PCDH9: variants seen among roughly 807,000 people sequenced by gnomAD.
PCDH9 encodes the protein protocadherin 9, also known as protocadherin-9.
In PCDH9, 24 loss-of-function variants were observed where a neutral mutation model predicts 70.6. That is an observed-to-expected ratio of 0.34 (90% confidence interval 0.25 to 0.48). PCDH9 has a LOEUF of 0.48. Among genes scored for constraint, PCDH9 ranks in the 20% least tolerant of loss-of-function variants. The pLI, the probability that PCDH9 is intolerant of heterozygous loss-of-function variation, is 0.99. For synonymous variants in PCDH9, 562 were observed against 558.5 expected (o/e 1.01, Z -0.09); for missense variants, 1,281 against 1,503.6 (o/e 0.85, Z 2.45).
At chr13:67,156,275 G>A (rs1337099269) in intron 2 of PCDH9, among the ~76,000 whole-genome samples, 1 of 152,128 alleles carries the variant, frequency 6.6e-6, no homozygotes, top group African/African-American at 2.4e-5. Flanking sequence ...GACGTGTAGA[G>A]GAGCGGATCA....
At chr13:66,412,359 C>T (rs534815304) in intron 4 of PCDH9, among the ~76,000 whole-genome samples, 13 of 152,254 alleles carry the variant, frequency 8.5e-5, no homozygotes, top group African/African-American at 2.9e-4. Context: ...TATGGGGTCT[C>T]ACAATATTTC....
intron 2 of PCDH9, among the ~76,000 whole-genome samples, chr13:67,101,700 C>A (rs1302992654): frequency 6.6e-6 from 1 of 152,142 alleles, no homozygotes; most frequent in Non-Finnish European, 1.5e-5. Flanking sequence ...AGTATTTTAA[C>A]CTCAGAGTGA....
chr13:66,765,056 C>T (rs564749831), intron 3 of PCDH9, among the ~76,000 whole-genome samples: 1 of 138,652 alleles, frequency 7.2e-6, no homozygotes, highest in Non-Finnish European at 1.5e-5. Context: ...CTTTGTCTCT[C>T]TCTGTCTGTC....
In PCDH9 at chr13:66,616,620, T is replaced by A. The variant is rs139027319; in HGVS notation, c.3340+14590A>T. The stretch of plus-strand genomic sequence containing the variant: ...AATGTAAAAATCTGGATTAACATTC[T>A]ATTTCTGAGCAAATCCTGCCAAGTG... On this transcript the variant is annotated intron_variant, in intron 4 of 4. Coordinates refer to ENST00000377865, the MANE Select transcript of PCDH9 (RefSeq NM_203487.3). 3.0e-3 allele frequency among the ~76,000 whole-genome samples: 459 copies of A among 151,936 alleles called. 1 individual carries two copies. The highest frequency in any genetic ancestry group is 0.011 in the African/African-American group (436 of 41,454).
intron 4 of PCDH9, among the ~76,000 whole-genome samples, chr13:66,613,358 A>G (rs2077316810): frequency 6.6e-6 from 1 of 151,896 alleles, no homozygotes; most frequent in Admixed American, 6.6e-5. Flanking sequence ...GCATTTTTAA[A>G]CCTTTTGTCT....
At chr13:66,824,651 G>T (rs1594108120) in intron 3 of PCDH9, among the ~76,000 whole-genome samples, 2 of 99,074 alleles carry the variant, frequency 2.0e-5, no homozygotes, top group East Asian at 3.3e-4. Context: ...GCGAAACTCT[G>T]ATATATATAT....
chr13:66,337,433 G>T (rs913764893), intron 4 of PCDH9, among the ~76,000 whole-genome samples: 1 of 152,036 alleles, frequency 6.6e-6, no homozygotes, highest in African/African-American at 2.4e-5. Context: ...AAGGCCCTTG[G>T]TGATTGAGGT....
At chr13:66,340,431 C>A (rs1956106168) in intron 4 of PCDH9, among the ~76,000 whole-genome samples, 1 of 152,058 alleles carries the variant, frequency 6.6e-6, no homozygotes, top group African/African-American at 2.4e-5. Flanking sequence ...TGAATTTGGG[C>A]AATATGTAAT....
intron 3 of PCDH9, among the ~76,000 whole-genome samples, chr13:66,727,741 AATG>A (rs1262469008): frequency 1.3e-5 from 2 of 152,092 alleles, no homozygotes; most frequent in African/African-American, 4.8e-5. Flanking sequence ...CTCTTCCAAA[AATG>A]ATGTTTGATA....
At chr13:66,679,742 T>C (rs998311307) in intron 3 of PCDH9, among the ~76,000 whole-genome samples, 5 of 151,914 alleles carry the variant, frequency 3.3e-5, no homozygotes, top group Non-Finnish European at 7.4e-5. Flanking sequence ...TTTAGTAATA[T>C]AATATGCATA....
chr13:67,143,573 AAATAAT>A (rs1268668999), intron 2 of PCDH9, among the ~76,000 whole-genome samples: 8 of 152,084 alleles, frequency 5.3e-5, no homozygotes, highest in Middle Eastern at 3.4e-3. Flanking sequence ...GGTCTAGCCA[AAATAAT>A]AATAATAATA....
intron 2 of PCDH9, among the ~76,000 whole-genome samples, chr13:67,000,057 C>G (rs1232879429): frequency 6.6e-6 from 1 of 152,026 alleles, no homozygotes; most frequent in African/African-American, 2.4e-5. Flanking sequence ...GCACTATTCA[C>G]AATAGCAAAG....
At chr13:67,192,673 G>A (rs373605460) in intron 2 of PCDH9, among the ~76,000 whole-genome samples, 43 of 152,264 alleles carry the variant, frequency 2.8e-4, no homozygotes, top group African/African-American at 9.9e-4. Flanking sequence ...AAGCACTGGT[G>A]GCTAAACTCA....
intron 2 of PCDH9, among the ~76,000 whole-genome samples, chr13:67,165,660 T>C (rs924615973): frequency 6.6e-6 from 1 of 152,174 alleles, no homozygotes; most frequent in Non-Finnish European, 1.5e-5. Flanking sequence ...TAATTTATAT[T>C]GCTAACAGTT....
intron 2 of PCDH9, among the ~76,000 whole-genome samples, chr13:67,036,124 GACAA>G (rs1198061579): frequency 1.3e-5 from 2 of 152,064 alleles, no homozygotes; most frequent in East Asian, 1.9e-4. Context: ...AATCTTAAAA[GACAA>G]ACAAACAAAA....
intron 4 of PCDH9, among the ~76,000 whole-genome samples, chr13:66,326,397 TAAA>T (rs372315902): frequency 8.3e-6 from 1 of 119,820 alleles, no homozygotes. Context: ...CTTCTTCTTC[TAAA>T]AAAAAAAAAA....
At chr13:66,671,006 T>A (rs1000071608) in intron 3 of PCDH9, among the ~76,000 whole-genome samples, 10 of 151,412 alleles carry the variant, frequency 6.6e-5, no homozygotes, top group African/African-American at 1.9e-4. Context: ...CCACATGTCA[T>A]GGGAGGGACC....
chr13:66,392,533 T>C (rs1957036145), intron 4 of PCDH9, among the ~76,000 whole-genome samples: 1 of 152,178 alleles, frequency 6.6e-6, no homozygotes, highest in African/African-American at 2.4e-5. Flanking sequence ...TCAATTTGTT[T>C]GCAGTGCAAT....
At chr13:67,163,729 A>C (rs1248028251) in intron 2 of PCDH9, among the ~76,000 whole-genome samples, 3 of 152,220 alleles carry the variant, frequency 2.0e-5, no homozygotes, top group Non-Finnish European at 4.4e-5. Flanking sequence ...GATCACTTGT[A>C]ACTTATATTG....
Sources: gnomAD v4.1 joint callset for allele counts (sites outside exome capture counted in the v4.1 genomes callset) on GRCh38, gnomAD v4.1.1 for gene constraint, MANE v1.5 for transcripts, NCBI Gene and HGNC (gene_info 2026-07-23, HGNC 2026-07-21) for gene names.